The following CCN6 variants were observed in gnomAD, a reference collection of about 807,000 sequenced individuals.
The protein encoded by CCN6 is CCN family member 6.
CCN6 carries 31 observed loss-of-function variants against 37.4 expected under a neutral mutation model. The ratio of observed to expected loss-of-function variants is 0.83; its 90% CI spans 0.62 to 1.12. The LOEUF is 1.12. Among genes scored for constraint, CCN6 ranks in the 50% most tolerant of loss-of-function variants. The probability of loss-of-function intolerance (pLI) is 0.00; values close to 1 mark genes in which losing one functional copy is unlikely to be tolerated. For synonymous variants in CCN6, 137 were observed against 142.1 expected (o/e 0.96, Z 0.26); for missense variants, 369 against 413.8 (o/e 0.89, Z 0.94).
chr6:112,065,517 C>A (rs1438857692), intron 3 of CCN6, among the ~76,000 whole-genome samples: 1 of 151,728 alleles, frequency 6.6e-6, no homozygotes, highest in Non-Finnish European at 1.5e-5. Flanking sequence ...GTAGGAAGTC[C>A]TTTCCCTCAC....
chr6:112,058,738 G>A (rs1776421398), intron 1 of CCN6, among the ~76,000 whole-genome samples: 1 of 152,212 alleles, frequency 6.6e-6, no homozygotes, highest in African/African-American at 2.4e-5. Context: ...GGAACCTAAT[G>A]CATACAAGAA....
chr6:112,062,997 TAATAAG>T (rs1320430543), intron 2 of CCN6, among the ~76,000 whole-genome samples: 14 of 152,222 alleles, frequency 9.2e-5, no homozygotes, highest in Non-Finnish European at 2.9e-5. Flanking sequence ...CATTGCAGAT[TAATAAG>T]AATAACGTTT....
At chr6:112,053,392 G>T (rs587689230), upstream of CCN6, among the ~76,000 whole-genome samples, 70 of 151,396 alleles carry the variant, frequency 4.6e-4, no homozygotes, top group East Asian at 0.013. Flanking sequence ...CGCCTCCCAG[G>T]TTCAAGCGAT....
intron 2 of CCN6, among the ~76,000 whole-genome samples, chr6:112,061,883 A>C (rs1776535740): frequency 6.6e-6 from 1 of 152,180 alleles, no homozygotes; most frequent in Non-Finnish European, 1.5e-5. Flanking sequence ...AGGGTGCCAA[A>C]TTATTTAGGA....
At chr6:112,061,448 A>C (rs1390569167) in intron 2 of CCN6, 160 bp downstream of exon 2, 13 of 862,598 alleles carry the variant, frequency 1.5e-5, no homozygotes, top group Non-Finnish European at 1.9e-5. Flanking sequence ...ATTGGATACT[A>C]TGTGAAATTA....
intron 1 of CCN6, among the ~76,000 whole-genome samples, chr6:112,057,020 C>T (rs1415920143): frequency 6.6e-6 from 1 of 152,132 alleles, no homozygotes; most frequent in African/African-American, 2.4e-5. Context: ...TGGATTTCAA[C>T]AGTGTTACCT....
chr6:112,053,495 C>T (rs915333478), upstream of CCN6, among the ~76,000 whole-genome samples: 4 of 150,222 alleles, frequency 2.7e-5, no homozygotes, highest in African/African-American at 9.8e-5. Context: ...TTAGCAGAGA[C>T]GGGATTTCAT....
intron 2 of CCN6, 113 bp from the exon 3 acceptor site, chr6:112,064,642 G>C (rs1776623124): frequency 6.5e-7 from 1 of 1,536,010 alleles, no homozygotes; most frequent in African/African-American, 1.4e-5. Flanking sequence ...CTAAGAGGTT[G>C]AGAGCTATAC....
chr6:112,065,147 TCAGA>T (rs1776642880), intron 3 of CCN6, 150 bp downstream of exon 3: 8 of 1,256,100 alleles, frequency 6.4e-6, no homozygotes, highest in Non-Finnish European at 6.8e-6. Context: ...AATCTTTGCC[TCAGA>T]CAGGGATAAA....
rs1164581709 is a variant in CCN6 at position 112,069,465 on chromosome 6, T to C, written c.910T>C (p.Cys304Arg). The change falls in exon 5 of 5, where the codon TGC becomes CGC. Residue 304 changes from cysteine (C) to arginine (R), a missense_variant. By Grantham distance (180) the Cys-to-Arg change is radical. Coordinates refer to ENST00000368666, the MANE Select transcript of CCN6 (RefSeq NM_198239.2). ...TTGTGGAATATGCTTGGATAAGAGA[T>C]GCTGTATCCCTAATAAGTCTAAAAT... Reference protein sequence around the residue: ...TFCGICLDKRCCIPNKSKMIT... With the variant: ...TFCGICLDKRRCIPNKSKMIT... 1.9e-6 allele frequency: 3 copies of C among 1,613,776 alleles called. No homozygotes were observed. Among genetic ancestry groups the C allele is most frequent in the Non-Finnish European group, 1.7e-6 (2 of 1,179,846 alleles).
At chr6:112,059,824 T>G (rs1776457170) in intron 1 of CCN6, among the ~76,000 whole-genome samples, 1 of 152,226 alleles carries the variant, frequency 6.6e-6, no homozygotes, top group African/African-American at 2.4e-5. Flanking sequence ...GCAAAGATCT[T>G]GCTTTCAAGA....
intron 3 of CCN6, among the ~76,000 whole-genome samples, chr6:112,066,328 A>AC (rs1776695166): frequency 6.6e-6 from 1 of 151,968 alleles, no homozygotes; most frequent in Non-Finnish European, 1.5e-5. Flanking sequence ...GTCATTCAGT[A>AC]TAAGGCTCTT....
chr6:112,061,617 G>A (rs1402471649), intron 2 of CCN6, among the ~76,000 whole-genome samples: 1 of 152,146 alleles, frequency 6.6e-6, no homozygotes, highest in Non-Finnish European at 1.5e-5. Flanking sequence ...TGTTAATACT[G>A]TCAAAAACAA....
At chr6:112,069,297 A>G (rs1776803328) in intron 4 of CCN6, 42 bp from the exon 5 acceptor site, 2 of 1,589,718 alleles carry the variant, frequency 1.3e-6, no homozygotes, top group Non-Finnish European at 1.7e-6. Flanking sequence ...AAACTATTGT[A>G]ATAAAATTTA....
At chr6:112,055,215 T>C (rs1244701845) in intron 1 of CCN6, among the ~76,000 whole-genome samples, 1 of 152,128 alleles carries the variant, frequency 6.6e-6, no homozygotes, top group African/African-American at 2.4e-5. Flanking sequence ...TGTTATACCA[T>C]ATAGAGAGAG....
chr6:112,068,531 C>A, intron 4 of CCN6, 133 bp downstream of exon 4: 1 of 853,990 alleles, frequency 1.2e-6, no homozygotes, highest in Non-Finnish European at 1.7e-6. Flanking sequence ...TGCTTAAAGT[C>A]AAACTATTTC....
intron 1 of CCN6, among the ~76,000 whole-genome samples, chr6:112,055,828 G>A (rs1432049546): frequency 1.3e-5 from 2 of 152,144 alleles, no homozygotes; most frequent in African/African-American, 2.4e-5. Flanking sequence ...GACCTCAAGT[G>A]ATCCGCCCAC....
chr6:112,067,066 C>G, intron 3 of CCN6: 3 of 1,354,344 alleles, frequency 2.2e-6, no homozygotes, highest in Non-Finnish European at 3.0e-6. Flanking sequence ...CTCCTCAGTT[C>G]TATGTGCAAT....
rs114432359 is a variant in CCN6, at chr6:112,067,600, T to C, written c.590-605T>C. On this transcript the variant is annotated intron_variant, in intron 3 of 4. Coordinates refer to ENST00000368666, the MANE Select transcript of CCN6 (RefSeq NM_198239.2). Reference sequence around the variant, plus strand: ...CTAAGAACATAGGGAGTGTGACAATTAAGTTGAATGAATGAAATTATACGC... The same window carrying C: ...CTAAGAACATAGGGAGTGTGACAATCAAGTTGAATGAATGAAATTATACGC... Among the ~76,000 whole-genome samples the C allele has an allele frequency of 1.7e-3, 262 of 152,274 alleles. 4 individuals carry two copies. Among genetic ancestry groups the C allele is most frequent in the African/African-American group, 6.2e-3 (256 of 41,574 alleles).
Sources: gnomAD v4.1 joint callset for allele counts (sites outside exome capture counted in the v4.1 genomes callset) on GRCh38, gnomAD v4.1.1 for gene constraint, MANE v1.5 for transcripts, NCBI Gene and HGNC (gene_info 2026-07-23, HGNC 2026-07-21) for gene names.